Variants in CDH18 observed in about 807,000 individuals in gnomAD.
CDH18 encodes the protein cadherin-18.
A neutral mutation model predicts 67.9 loss-of-function variants in CDH18; 31 were observed. The observed-to-expected ratio is 0.46, with a 90% CI of 0.34 to 0.62. The LOEUF (loss-of-function observed/expected upper bound fraction) is 0.62. Among genes scored for constraint, CDH18 ranks in the 20% least tolerant of loss-of-function variants. The pLI, the probability that CDH18 is intolerant of heterozygous loss-of-function variation, is 0.01. For synonymous variants in CDH18, 362 were observed against 347.2 expected (o/e 1.04, Z -0.48); for missense variants, 890 against 975.5 (o/e 0.91, Z 1.17).
intron 2 of CDH18, among the ~76,000 whole-genome samples, chr5:20,193,991 T>C (rs1738755454): frequency 6.6e-6 from 1 of 152,158 alleles, no homozygotes; most frequent in Admixed American, 6.5e-5. Context: ...ACAACCAATA[T>C]CATACTGAAT....
chr5:19,488,780 A>G (rs556364434), intron 11 of CDH18, among the ~76,000 whole-genome samples: 30 of 152,198 alleles, frequency 2.0e-4, no homozygotes, highest in Admixed American at 3.3e-4. Context: ...GAACTAATAT[A>G]TCTTGTAACA....
chr5:20,191,056 A>G (rs1738497299), intron 2 of CDH18, among the ~76,000 whole-genome samples: 1 of 152,090 alleles, frequency 6.6e-6, no homozygotes, highest in African/African-American at 2.4e-5. Flanking sequence ...CCACCTTTGA[A>G]AGCCTGCAGG....
chr5:19,935,855 C>A (rs1266957515), intron 2 of CDH18, among the ~76,000 whole-genome samples: 1 of 149,112 alleles, frequency 6.7e-6, no homozygotes, highest in African/African-American at 2.5e-5. Flanking sequence ...AATGTCTTCT[C>A]AATGCTCATT....
intron 1 of CDH18, among the ~76,000 whole-genome samples, chr5:20,490,027 A>G (rs1233674291): frequency 6.6e-6 from 1 of 151,040 alleles, no homozygotes; most frequent in Non-Finnish European, 1.5e-5. Context: ...AATAATAAAT[A>G]TAATAAATCA....
intron 1 of CDH18, among the ~76,000 whole-genome samples, chr5:20,440,396 G>GT (rs1273378670): frequency 6.6e-6 from 1 of 151,860 alleles, no homozygotes; most frequent in African/African-American, 2.4e-5. Flanking sequence ...CACATGTGAG[G>GT]TTATGCCTAA....
intron 10 of CDH18, among the ~76,000 whole-genome samples, chr5:19,507,334 G>A (rs1289627979): frequency 6.6e-6 from 1 of 152,176 alleles, no homozygotes; most frequent in Non-Finnish European, 1.5e-5. Flanking sequence ...AACCCTTGTG[G>A]AAGTCAGTGT....
chr5:19,506,909 C>T (rs550710423), intron 10 of CDH18, among the ~76,000 whole-genome samples: 3 of 152,264 alleles, frequency 2.0e-5, no homozygotes, highest in East Asian at 3.9e-4. Flanking sequence ...CAAATGGGAT[C>T]TAATTAAACT....
At chr5:20,367,301 G>C (rs1742598970) in intron 1 of CDH18, among the ~76,000 whole-genome samples, 1 of 152,000 alleles carries the variant, frequency 6.6e-6, no homozygotes, top group East Asian at 1.9e-4. Flanking sequence ...AATCAATCTT[G>C]GCCAAACCTC....
intron 2 of CDH18, among the ~76,000 whole-genome samples, chr5:20,130,078 A>ATTATTATTATTATTATTATTATTG (rs1554093992): frequency 2.8e-5 from 4 of 142,136 alleles, no homozygotes; most frequent in East Asian, 2.0e-4. Flanking sequence ...TATTATTGTT[A>ATTATTATTATTATTATTATTATTG]TTATTATTAT....
At chr5:20,262,963 G>C (rs868027167) in intron 1 of CDH18, among the ~76,000 whole-genome samples, 44 of 141,048 alleles carry the variant, frequency 3.1e-4, no homozygotes, top group Middle Eastern at 3.6e-3. Flanking sequence ...AGGAAGAATG[G>C]GGGAAAGAAG....
intron 1 of CDH18, among the ~76,000 whole-genome samples, chr5:20,410,732 C>T (rs749382389): frequency 2.6e-5 from 4 of 151,574 alleles, no homozygotes; most frequent in Admixed American, 1.3e-4. Context: ...AGGCAAATGC[C>T]ATGATTTTAT....
chr5:20,302,577 T>C (rs1317727586), intron 1 of CDH18, among the ~76,000 whole-genome samples: 1 of 152,094 alleles, frequency 6.6e-6, no homozygotes, highest in Non-Finnish European at 1.5e-5. Context: ...CATGACAACA[T>C]TGGCCCAATC....
intron 2 of CDH18, among the ~76,000 whole-genome samples, chr5:20,005,583 T>A (rs558386152): frequency 3.9e-4 from 59 of 151,872 alleles, no homozygotes; most frequent in African/African-American, 1.3e-3. Context: ...CATGCATACA[T>A]ATACACACAC....
chr5:20,348,626 G>A (rs749468081), intron 1 of CDH18, among the ~76,000 whole-genome samples: 1 of 152,104 alleles, frequency 6.6e-6, no homozygotes, highest in Non-Finnish European at 1.5e-5. Context: ...ATCATACTGA[G>A]AAAGCAGCTT....
In CDH18 at chr5:20,346,761, C is replaced by A. The variant is rs144675369; in HGVS notation, c.-579-91256G>T. Among the ~76,000 whole-genome samples the A allele has an allele frequency of 9.3e-4, 142 of 152,254 alleles. No individual in the cohort carries two copies. In the East Asian group the frequency reaches 0.025, roughly 26 times the overall value. ...GGTCTTATAGCCTTGAGTGTAATAACAGCTGTTACATCCATAGGTGGCTCG... is the reference window on the plus strand; with the variant it reads ...GGTCTTATAGCCTTGAGTGTAATAAAAGCTGTTACATCCATAGGTGGCTCG... On this transcript the variant is annotated intron_variant, in intron 1 of 14. Transcript: ENST00000507958.
At chr5:20,207,603 G>C (rs1331166895) in intron 2 of CDH18, among the ~76,000 whole-genome samples, 2 of 151,964 alleles carry the variant, frequency 1.3e-5, no homozygotes, top group African/African-American at 4.8e-5. Context: ...AAAACAACCA[G>C]ATATTGTGAG....
chr5:20,382,771 A>G (rs949866172), intron 1 of CDH18, among the ~76,000 whole-genome samples: 1 of 152,130 alleles, frequency 6.6e-6, no homozygotes, highest in African/African-American at 2.4e-5. Flanking sequence ...TGTTTTATAA[A>G]TCCAACACCA....
chr5:20,386,574 A>G (rs1744326765), intron 1 of CDH18, among the ~76,000 whole-genome samples: 1 of 152,184 alleles, frequency 6.6e-6, no homozygotes, highest in Non-Finnish European at 1.5e-5. Context: ...CGAGGCATGC[A>G]TAACTTAAAT....
intron 1 of CDH18, among the ~76,000 whole-genome samples, chr5:20,569,141 G>C (rs568728696): frequency 6.6e-6 from 1 of 152,156 alleles, no homozygotes. Flanking sequence ...GGATGGCTAC[G>C]AGTCGTGTAC....
Sources: allele counts gnomAD v4.1 joint callset (sites outside exome capture counted in the v4.1 genomes callset), GRCh38; gene constraint gnomAD v4.1.1; transcripts MANE v1.5; gene names NCBI Gene and HGNC (gene_info 2026-07-23, HGNC 2026-07-21).